The following UBQLN1 variants were observed in gnomAD, a reference collection of about 807,000 sequenced individuals.
UBQLN1 encodes ubiquilin 1, also known as ubiquilin-1.
In UBQLN1, 13 loss-of-function variants were observed where a neutral mutation model predicts 65.4. The ratio of observed to expected loss-of-function variants is 0.20; its 90% CI spans 0.13 to 0.32. The LOEUF (loss-of-function observed/expected upper bound fraction) is 0.32. UBQLN1 is among the 10% of genes least tolerant of loss of function. The probability of loss-of-function intolerance (pLI) is 1.00; values close to 1 mark genes in which losing one functional copy is unlikely to be tolerated. For synonymous variants in UBQLN1, 267 were observed against 247.8 expected, an observed-to-expected ratio of 1.08 and a Z score of -0.73; for missense variants, 561 against 724.0, an observed-to-expected ratio of 0.77 and a Z score of 2.58.
intron 1 of UBQLN1, 42 bp from the exon 2 acceptor site, chr9:83,686,197 C>T: frequency 7.6e-7 from 1 of 1,320,638 alleles, no homozygotes. Flanking sequence ...GTTGTTTGCA[C>T]AGCACCATAC....
At position 83,667,415 on chromosome 9, in the gene UBQLN1, T is replaced by A. The variant is rs553632358; in HGVS notation, c.1249-982A>T. 3.6e-4 allele frequency: 287 copies of A among 808,078 alleles called. 3 individuals carry two copies. In the South Asian group the frequency reaches 0.015, roughly 43 times the overall value. The allele number at this position is 808,078 out of a possible 1,614,324, so 50.1% of individuals were successfully genotyped here. A position where few individuals can be genotyped will look rare whatever the true frequency, so the allele number is the denominator to read the frequency against. ...AGAAGTTAACCGTATTTAAGAGCAA[T>A]GTAAATGCTGGTAGAGAAAATTCGC... On this transcript the variant is annotated intron_variant, in intron 7 of 10. Transcript: ENST00000376395.
chr9:83,687,780 T>C lies in UBQLN1; in HGVS notation c.181-1625A>G, dbSNP rs566925751. On this transcript the variant is annotated intron_variant, in intron 1 of 10. Coordinates refer to ENST00000376395, the MANE Select transcript of UBQLN1 (RefSeq NM_013438.5). The stretch of plus-strand genomic sequence containing the variant: ...ATTTACAACAGCCAATATAAACAAC[T>C]GATTTTTAAAAAATCTGTTTTACCT... Among the ~76,000 whole-genome samples, 5 of 151,342 alleles carry C rather than the reference T, an allele frequency of 3.3e-5. No homozygotes were observed. In the South Asian group the frequency reaches 1.0e-3, roughly 31 times the overall value.
Position 83,697,733 on chromosome 9 carries a change from C to CTTT in UBQLN1, c.180+9764_180+9766dup, listed in dbSNP as rs35319221. Among the ~76,000 whole-genome samples, 528 of 98,324 alleles carry CTTT rather than the reference C, an allele frequency of 5.4e-3. 8 individuals are homozygous for CTTT. Among genetic ancestry groups the CTTT allele is most frequent in the South Asian group, 7.5e-3 (19 of 2,526 alleles). 64.5% of individuals were successfully genotyped at this position (98,324 alleles called of 152,430 possible). On this transcript the variant is annotated intron_variant, in intron 1 of 10. Transcript: ENST00000376395. The stretch of plus-strand genomic sequence containing the variant: ...ACCACACGCGGCTATTTTTTGTACC[C>CTTT]TTTTTTTTTTTTTTTTTTTTGAGAC...
chr9:83,668,753 T>G, intron 7 of UBQLN1: 1 of 549,084 alleles, frequency 1.8e-6, no homozygotes, highest in Non-Finnish European at 2.3e-6. Flanking sequence ...CTTTAATAAA[T>G]GCTATTTTAC....
Position 83,673,341 on chromosome 9 carries a change from C to A in UBQLN1, c.1106-4014G>T, listed in dbSNP as rs370268242. On this transcript the variant is annotated intron_variant, in intron 6 of 10. Coordinates refer to ENST00000376395, the MANE Select transcript of UBQLN1 (RefSeq NM_013438.5). ...ATCACCCAAGGTCGGGAGTTTGAGA[C>A]CAGCCTGGCCAACATGGTGAAACAC... Among the ~76,000 whole-genome samples, 76 of 150,080 alleles carry A rather than the reference C, an allele frequency of 5.1e-4. 1 individual carries two copies. The East Asian group carries it at 0.011, about 21-fold the overall frequency.
At chr9:83,697,479 G>C (rs1160657155) in intron 1 of UBQLN1, among the ~76,000 whole-genome samples, 1 of 149,588 alleles carries the variant, frequency 6.7e-6, no homozygotes, top group Admixed American at 6.6e-5. Context: ...GTGAACCCAG[G>C]GGGCGGAGGT....
chr9:83,667,542 C>G, intron 7 of UBQLN1: 1 of 985,354 alleles, frequency 1.0e-6, no homozygotes, highest in Non-Finnish European at 1.2e-6. Context: ...TCAAAGTGAC[C>G]AGTAAGTTCA....
At chr9:83,684,488 C>A (rs35535452) in intron 2 of UBQLN1, among the ~76,000 whole-genome samples, 1 of 151,848 alleles carries the variant, frequency 6.6e-6, no homozygotes, top group South Asian at 2.1e-4. Flanking sequence ...AGCCACCGCG[C>A]CTGGCCTGAT....
intron 1 of UBQLN1, among the ~76,000 whole-genome samples, chr9:83,691,383 C>T (rs139815816): frequency 2.4e-3 from 366 of 152,118 alleles, no homozygotes; most frequent in African/African-American, 8.2e-3. Context: ...ACCTGATATC[C>T]AAAACAGCTG....
At chr9:83,688,312 C>G (rs767673309) in intron 1 of UBQLN1, among the ~76,000 whole-genome samples, 4 of 152,176 alleles carry the variant, frequency 2.6e-5, no homozygotes, top group African/African-American at 4.8e-5. Flanking sequence ...TCCCCTCACA[C>G]TGATACAGCT....
chr9:83,697,990 C>A (rs1832248266), intron 1 of UBQLN1, among the ~76,000 whole-genome samples: 1 of 152,166 alleles, frequency 6.6e-6, no homozygotes, highest in Non-Finnish European at 1.5e-5. Flanking sequence ...CCCGCCTCGG[C>A]CTCCCAGAGT....
At chr9:83,698,423 T>A (rs547935692) in intron 1 of UBQLN1, among the ~76,000 whole-genome samples, 1 of 152,328 alleles carries the variant, frequency 6.6e-6, no homozygotes, top group African/African-American at 2.4e-5. Context: ...TTTCAAAGAC[T>A]TAGTATTTCA....
At chr9:83,671,029 G>A (rs899565737) in intron 6 of UBQLN1, among the ~76,000 whole-genome samples, 1 of 152,046 alleles carries the variant, frequency 6.6e-6, no homozygotes, top group African/African-American at 2.4e-5. Context: ...GGAGTGGCAC[G>A]AACATAGCTC....
At chr9:83,682,779 A>T (rs1461497588) in intron 3 of UBQLN1, among the ~76,000 whole-genome samples, 172 bp downstream of exon 3, 2 of 152,132 alleles carry the variant, frequency 1.3e-5, no homozygotes, top group Non-Finnish European at 2.9e-5. Context: ...AAGAATATCC[A>T]TATCCCCAAC....
intron 6 of UBQLN1, among the ~76,000 whole-genome samples, chr9:83,674,196 A>T (rs922827140): frequency 3.3e-5 from 5 of 152,014 alleles, no homozygotes; most frequent in African/African-American, 4.8e-5. Flanking sequence ...AAAAAAAAAA[A>T]AATAACCAGT....
intron 1 of UBQLN1, among the ~76,000 whole-genome samples, chr9:83,690,493 G>A (rs1015305536): frequency 6.6e-6 from 1 of 152,070 alleles, no homozygotes; most frequent in Non-Finnish European, 1.5e-5. Flanking sequence ...GCTAAAACAC[G>A]AACCTGTACA....
chr9:83,701,664 G>C (rs1224206659), intron 1 of UBQLN1, among the ~76,000 whole-genome samples: 1 of 152,144 alleles, frequency 6.6e-6, no homozygotes, highest in Non-Finnish European at 1.5e-5. Flanking sequence ...CACAAAGACA[G>C]TAATAAGTAT....
At chr9:83,669,770 GATGTA>G (rs1831701616) in intron 6 of UBQLN1, among the ~76,000 whole-genome samples, 1 of 152,156 alleles carries the variant, frequency 6.6e-6, no homozygotes, top group East Asian at 1.9e-4. Context: ...GGCAACAAAA[GATGTA>G]ATGCCTCCAC....
intron 2 of UBQLN1, among the ~76,000 whole-genome samples, chr9:83,685,659 T>TTATCA (rs1324666062): frequency 1.3e-5 from 2 of 151,458 alleles, no homozygotes; most frequent in Admixed American, 6.6e-5. Flanking sequence ...AGAAATATGA[T>TTATCA]TATCAATTCG....
Sources: gnomAD v4.1 joint callset for allele counts (sites outside exome capture counted in the v4.1 genomes callset) on GRCh38, gnomAD v4.1.1 for gene constraint, MANE v1.5 for transcripts, NCBI Gene and HGNC (gene_info 2026-07-23, HGNC 2026-07-21) for gene names.